IPMK: variants seen among roughly 807,000 people sequenced by gnomAD.
IPMK encodes the protein inositol polyphosphate multikinase.
In IPMK, 17 loss-of-function variants were observed where a neutral mutation model predicts 45.8. The ratio of observed to expected loss-of-function variants is 0.37; its 90% CI spans 0.25 to 0.56. The LOEUF is 0.56. Among genes scored for constraint, IPMK ranks in the 20% least tolerant of loss-of-function variants. The probability of loss-of-function intolerance (pLI) is 0.79; values close to 1 mark genes in which losing one functional copy is unlikely to be tolerated. For synonymous variants in IPMK, 180 were observed against 184.3 expected (o/e 0.98, Z 0.19); for missense variants, 399 against 498.0 (o/e 0.80, Z 1.89).
intron 1 of IPMK, among the ~76,000 whole-genome samples, chr10:58,259,677 A>AAAAAAAACAAAAC (rs952135347): frequency 6.8e-6 from 1 of 148,062 alleles, no homozygotes; most frequent in African/African-American, 2.6e-5. Context: ...TACATAAAAA[A>AAAAAAAACAAAAC]AAAAAAAAAA....
At chr10:58,235,376 C>T (rs566093761) in intron 2 of IPMK, among the ~76,000 whole-genome samples, 7 of 152,142 alleles carry the variant, frequency 4.6e-5, no homozygotes, top group Admixed American at 3.3e-4. Flanking sequence ...CGTATGTTTA[C>T]TGCAGCACTA....
intron 1 of IPMK, among the ~76,000 whole-genome samples, chr10:58,242,832 G>T (rs952888093): frequency 6.6e-6 from 1 of 152,150 alleles, no homozygotes; most frequent in African/African-American, 2.4e-5. Flanking sequence ...GGAGGGACTT[G>T]GTGGGAGGTG....
intron 4 of IPMK, among the ~76,000 whole-genome samples, chr10:58,207,600 T>C (rs1838089609): frequency 6.6e-6 from 1 of 152,220 alleles, no homozygotes; most frequent in Non-Finnish European, 1.5e-5. Flanking sequence ...GTTGACTTTC[T>C]GTCTTGATAA....
At chr10:58,260,610 A>T (rs1037723760) in intron 1 of IPMK, among the ~76,000 whole-genome samples, 10 of 152,238 alleles carry the variant, frequency 6.6e-5, no homozygotes, top group African/African-American at 2.4e-4. Flanking sequence ...GGCATACATT[A>T]GTTCACTGTA....
At chr10:58,224,522 G>A (rs1838384724) in intron 3 of IPMK, among the ~76,000 whole-genome samples, 1 of 152,112 alleles carries the variant, frequency 6.6e-6, no homozygotes, top group South Asian at 2.1e-4. Flanking sequence ...AAACCACTGA[G>A]TTGTATGCTT....
Position 58,247,750 on chromosome 10 carries a change from A to G in IPMK, c.191-9936T>C, listed in dbSNP as rs138359842. ...CAGCACAACAGCATGGCACATGTAT[A>G]CATATGTAACTAACCTGCACATTGT... On this transcript the variant is annotated intron_variant, in intron 1 of 5. Coordinates refer to ENST00000373935, the MANE Select transcript of IPMK (RefSeq NM_152230.5). Among the ~76,000 whole-genome samples the G allele has an allele frequency of 8.5e-3, 1,299 of 152,298 alleles. 12 individuals are homozygous for G. Among genetic ancestry groups the G allele is most frequent in the Non-Finnish European group, 9.3e-3 (635 of 68,034 alleles).
intron 2 of IPMK, among the ~76,000 whole-genome samples, chr10:58,229,489 G>C (rs1838474180): frequency 6.6e-6 from 1 of 150,828 alleles, no homozygotes; most frequent in Non-Finnish European, 1.5e-5. Flanking sequence ...CTTGAACCTG[G>C]GAGGTGGAGG....
At chr10:58,233,698 C>A (rs1233242446) in intron 2 of IPMK, among the ~76,000 whole-genome samples, 1 of 151,954 alleles carries the variant, frequency 6.6e-6, no homozygotes, top group Non-Finnish European at 1.5e-5. Context: ...TATGACAAGC[C>A]CACAGCCAAT....
chr10:58,249,730 T>C (rs1196995924), intron 1 of IPMK, among the ~76,000 whole-genome samples: 3 of 152,248 alleles, frequency 2.0e-5, no homozygotes, highest in Admixed American at 1.3e-4. Context: ...TCTGCTTTTG[T>C]TGCCTGTCCT....
rs145588403 is a variant in IPMK at position 58,245,480 on chromosome 10, C to A, written c.191-7666G>T. ...CACAAAAATTAGCCAGGGGTGGTAC[C>A]ACATGCCTGTAATCCCAACTACTCG... On this transcript the variant is annotated intron_variant, in intron 1 of 5. Coordinates refer to ENST00000373935, the MANE Select transcript of IPMK (RefSeq NM_152230.5). 8.3e-3 allele frequency among the ~76,000 whole-genome samples: 1,254 copies of A among 151,092 alleles called. 40 individuals carry two copies. Among genetic ancestry groups the A allele is most frequent in the African/African-American group, 0.03 (1,216 of 40,492 alleles).
At position 58,192,309 on chromosome 10, in the gene IPMK, C is replaced by T. The variant is rs1341841352; in HGVS notation, c.*3767G>A. On this transcript the variant is annotated 3_prime_UTR_variant, in exon 6 of 6. Transcript: ENST00000373935. ...CAGTAAAGAAGATGCAGCTCATTTG[C>T]TTGGGAATATGTAATGGAATGTTTT... is the stretch of plus-strand genomic sequence containing the variant. 1.3e-5 allele frequency: 2 copies of T among 151,858 alleles called. No homozygotes were observed. Among genetic ancestry groups the T allele is most frequent in the African/African-American group, 4.8e-5 (2 of 41,394 alleles). The allele number at this position is 151,858 out of a possible 1,614,324, so 9.4% of individuals were successfully genotyped here.
chr10:58,246,860 A>C (rs1236663679), intron 1 of IPMK, among the ~76,000 whole-genome samples: 2 of 151,718 alleles, frequency 1.3e-5, no homozygotes, highest in African/African-American at 2.4e-5. Flanking sequence ...CATCAGAGTG[A>C]ACAAGCAACC....
rs1254690031 is a variant in IPMK, at chr10:58,192,797, T to C, written c.*3279A>G. ...ATTGTTACCTCTTTAAATAATCAGA[T>C]TGACAATTATTAAAAAGGAATCGAT... On this transcript the variant is annotated 3_prime_UTR_variant, in exon 6 of 6. Transcript: ENST00000373935. 1.3e-5 allele frequency: 2 copies of C among 151,876 alleles called. No homozygotes were observed. The highest frequency in any genetic ancestry group is 2.9e-5 in the Non-Finnish European group (2 of 67,868). The allele number at this position is 151,876 out of a possible 1,614,324, so 9.4% of individuals were successfully genotyped here.
At chr10:58,222,440 G>A (rs1838350556) in intron 3 of IPMK, among the ~76,000 whole-genome samples, 1 of 152,056 alleles carries the variant, frequency 6.6e-6, no homozygotes, top group Non-Finnish European at 1.5e-5. Flanking sequence ...TTATAACTCT[G>A]GAAACTCTAT....
intron 3 of IPMK, among the ~76,000 whole-genome samples, chr10:58,220,610 C>T (rs1838317640): frequency 6.6e-6 from 1 of 151,540 alleles, no homozygotes; most frequent in African/African-American, 2.4e-5. Flanking sequence ...AGATAATATA[C>T]AGTAAAGCAC....
intron 1 of IPMK, among the ~76,000 whole-genome samples, chr10:58,265,306 T>C (rs945727513): frequency 6.6e-6 from 1 of 152,210 alleles, no homozygotes; most frequent in Non-Finnish European, 1.5e-5. Flanking sequence ...TACTTACTGA[T>C]AGTAACACAA....
intron 1 of IPMK, among the ~76,000 whole-genome samples, chr10:58,267,215 G>A (rs1324436812): frequency 1.3e-5 from 2 of 152,220 alleles, no homozygotes; most frequent in Non-Finnish European, 2.9e-5. Flanking sequence ...CTGCAAGCCT[G>A]ACGACCCACA....
chr10:58,228,925 T>C (rs181537284), intron 2 of IPMK, among the ~76,000 whole-genome samples: 7 of 152,316 alleles, frequency 4.6e-5, no homozygotes, highest in African/African-American at 1.7e-4. Flanking sequence ...ACAAAAGTGT[T>C]AACCCAAGCA....
intron 1 of IPMK, among the ~76,000 whole-genome samples, chr10:58,257,015 G>A (rs1422900559): frequency 2.0e-5 from 3 of 152,144 alleles, no homozygotes; most frequent in Admixed American, 6.5e-5. Flanking sequence ...CTGGTAAGCC[G>A]TGATCACACC....
Sources: gnomAD v4.1 joint callset for allele counts (sites outside exome capture counted in the v4.1 genomes callset) on GRCh38, gnomAD v4.1.1 for gene constraint, MANE v1.5 for transcripts, NCBI Gene and HGNC (gene_info 2026-07-23, HGNC 2026-07-21) for gene names.